The following HUNK variants were observed in gnomAD, a reference collection of about 807,000 sequenced individuals.
HUNK encodes the protein hormonally up-regulated neu tumor-associated kinase.
In HUNK, 21 loss-of-function variants were observed where a neutral mutation model predicts 61.0. The ratio of observed to expected loss-of-function variants is 0.34; its 90% CI spans 0.24 to 0.50. The LOEUF (loss-of-function observed/expected upper bound fraction) is 0.50. Ranked by LOEUF, HUNK falls within the 20% of genes least tolerant of loss-of-function variation. The pLI is 0.98. For missense variants in HUNK, 772 were observed against 945.7 expected (o/e 0.82, Z 2.41); for synonymous variants, 371 against 386.1 (o/e 0.96, Z 0.46).
chr21:31,999,146 G>T lies in HUNK; in HGVS notation c.2107G>T (p.Ala703Ser). The change falls in exon 11 of 11, where the codon GCC (alanine) becomes TCC (serine). Residue 703 changes from alanine to serine, a missense_variant. By Grantham distance (99) the Ala-to-Ser change is moderately conservative (BLOSUM62 1). Around this residue, in one of 2 missense-constraint regions of HUNK, gnomAD observed 413 missense variants for 444.4 expected, o/e 0.93. Coordinates refer to ENST00000270112, the MANE Select transcript of HUNK (RefSeq NM_014586.2). ...PLQPLAPVNLAFDMADGVKTQ... is the reference protein window; with the variant it reads ...PLQPLAPVNLSFDMADGVKTQ... The stretch of plus-strand genomic sequence containing the variant: ...GCAGCCCCTAGCCCCTGTGAACCTT[G>T]CCTTTGACATGGCCGATGGGGTCAA... 1 of 1,613,132 alleles carries T rather than the reference G, an allele frequency of 6.2e-7. No homozygotes were observed. The highest frequency in any genetic ancestry group is 1.1e-5 in the South Asian group (1 of 91,000).
Position 31,873,916 on chromosome 21 carries a change from A to C in HUNK, c.242A>C (p.His81Pro). 1 of 1,563,974 alleles carries C rather than the reference A, an allele frequency of 6.4e-7. No individual in the cohort carries two copies. The highest frequency in any genetic ancestry group is 8.6e-7 in the Non-Finnish European group (1 of 1,158,338). ...GSFAKVREGLHVLTGEKVAIK... is the reference protein window; with the variant it reads ...GSFAKVREGLPVLTGEKVAIK... ...TTTGCCAAGGTGCGCGAGGGGCTGC[A>C]CGTGCTGACCGGGGAGAAGGTGAGT... The change falls in exon 1 of 11, where the codon CAC becomes CCC. Residue 81 changes from histidine (H) to proline (P), a missense_variant. Around this residue, in one of 2 missense-constraint regions of HUNK, gnomAD observed 359 missense variants for 501.3 expected, o/e 0.72. Transcript: ENST00000270112. The surrounding 1 kb of genome is among the most constrained non-coding windows in gnomAD (Gnocchi z 6.1).
intron 10 of HUNK, among the ~76,000 whole-genome samples, chr21:31,998,278 T>C (rs766293804): frequency 2.6e-5 from 4 of 152,110 alleles, no homozygotes; most frequent in Non-Finnish European, 5.9e-5. Flanking sequence ...ATGAGGCAAA[T>C]TGGAATCCAG....
At chr21:31,890,121 T>C (rs1232052545) in intron 1 of HUNK, among the ~76,000 whole-genome samples, 1 of 152,218 alleles carries the variant, frequency 6.6e-6, no homozygotes, top group Admixed American at 6.5e-5. Flanking sequence ...GGGCTCATAT[T>C]TGATAGTTGC....
At chr21:31,946,602 G>T (rs2052804988) in intron 4 of HUNK, among the ~76,000 whole-genome samples, 1 of 151,514 alleles carries the variant, frequency 6.6e-6, no homozygotes, top group African/African-American at 2.4e-5. Flanking sequence ...CCTCCCTTTT[G>T]TCGCTCCCAC....
At chr21:31,923,595 GAGGGA>G (rs549422345) in intron 1 of HUNK, among the ~76,000 whole-genome samples, 1,236 of 119,364 alleles carry the variant, frequency 0.01, 20 homozygotes, top group African/African-American at 0.035. Flanking sequence ...GGGAGGGAGG[GAGGGA>G]AGGGAAGGAA....
intron 7 of HUNK, 119 bp downstream of exon 7, chr21:31,974,836 G>A: frequency 1.0e-6 from 1 of 995,338 alleles, no homozygotes. Flanking sequence ...CTAATGTGAG[G>A]CTGAGTTTTC....
At chr21:31,993,894 G>A (rs1025167869) in intron 9 of HUNK, among the ~76,000 whole-genome samples, 2 of 152,114 alleles carry the variant, frequency 1.3e-5, no homozygotes, top group Non-Finnish European at 2.9e-5. Context: ...GCCTAGGACT[G>A]TGGCATGCTC....
chr21:31,942,373 G>A lies in HUNK; in HGVS notation c.610+2153G>A, dbSNP rs529721725. ...TAAGTGGTAGCCCTAGGTGACCACT[G>A]ACAGAACTATCTTGTGGAATAAGCA... is the stretch of plus-strand genomic sequence containing the variant. On this transcript the variant is annotated intron_variant, in intron 3 of 10. Coordinates refer to ENST00000270112, the MANE Select transcript of HUNK (RefSeq NM_014586.2). Among the ~76,000 whole-genome samples the A allele has an allele frequency of 3.2e-4, 49 of 152,324 alleles. 2 individuals are homozygous for A. Among genetic ancestry groups the A allele is most frequent in the South Asian group, 6.2e-4 (3 of 4,824 alleles).
chr21:31,879,863 C>T (rs1047841523), intron 1 of HUNK, among the ~76,000 whole-genome samples: 2 of 152,184 alleles, frequency 1.3e-5, no homozygotes, highest in African/African-American at 4.8e-5. Context: ...AACGGAGAGA[C>T]CTGCTCTCTT....
In HUNK at chr21:31,941,943, A is replaced by G. The variant is rs139695101; in HGVS notation, c.610+1723A>G. ...ATAAAAGTTAGAATAGGCCAGGTGC[A>G]GTGGCTCACACCTGTAATCCCACTT... On this transcript the variant is annotated intron_variant, in intron 3 of 10. Transcript: ENST00000270112. Among the ~76,000 whole-genome samples the G allele has an allele frequency of 7.9e-4, 120 of 152,326 alleles. 1 individual carries two copies. The East Asian group carries it at 0.016, about 20-fold the overall frequency.
chr21:31,905,046 C>T (rs1337569395), intron 1 of HUNK, among the ~76,000 whole-genome samples: 1 of 149,814 alleles, frequency 6.7e-6, no homozygotes, highest in Non-Finnish European at 1.5e-5. Context: ...CCACTGCACT[C>T]CAGCCTGGGC....
intron 3 of HUNK, among the ~76,000 whole-genome samples, chr21:31,941,978 G>A (rs529709156): frequency 6.6e-5 from 10 of 152,302 alleles, no homozygotes; most frequent in East Asian, 1.9e-4. Context: ...TTGGGAGGCC[G>A]AGGAGGGTGG....
At chr21:31,975,279 C>T (rs1367919622) in intron 7 of HUNK, among the ~76,000 whole-genome samples, 2 of 152,114 alleles carry the variant, frequency 1.3e-5, no homozygotes, top group Admixed American at 6.5e-5. Context: ...GTTTCCACAG[C>T]GTGGGGTGGA....
At chr21:31,954,781 T>A (rs2052876614) in intron 4 of HUNK, among the ~76,000 whole-genome samples, 1 of 149,200 alleles carries the variant, frequency 6.7e-6, no homozygotes, top group South Asian at 2.1e-4. Context: ...TTCTTTCTTT[T>A]TCTTTTCTTT....
chr21:31,992,694 T>C (rs952930819), intron 9 of HUNK, among the ~76,000 whole-genome samples: 1 of 152,376 alleles, frequency 6.6e-6, no homozygotes, highest in South Asian at 2.1e-4. Flanking sequence ...ATAGTCCCTC[T>C]GAAGATCTGT....
At chr21:31,990,532 T>TATTTATTC (rs2053165174) in intron 9 of HUNK, among the ~76,000 whole-genome samples, 2 of 150,720 alleles carry the variant, frequency 1.3e-5, no homozygotes, top group African/African-American at 4.9e-5. Context: ...TTTATTTATT[T>TATTTATTC]ATTTATTTAT....
intron 10 of HUNK, 91 bp downstream of exon 10, chr21:31,996,039 A>T (rs909526019): frequency 2.1e-6 from 2 of 966,710 alleles, no homozygotes; most frequent in African/African-American, 3.3e-5. Context: ...AATGGGCCCT[A>T]GAGCAGAGAT....
intron 7 of HUNK, among the ~76,000 whole-genome samples, chr21:31,981,511 A>C (rs1287315421): frequency 6.6e-6 from 1 of 151,918 alleles, no homozygotes; most frequent in African/African-American, 2.4e-5. Flanking sequence ...CTTTTCATTT[A>C]CTTGTGTCTT....
chr21:31,938,644 A>C (rs922079335), intron 2 of HUNK, among the ~76,000 whole-genome samples: 4 of 152,244 alleles, frequency 2.6e-5, no homozygotes, highest in African/African-American at 7.2e-5. Context: ...GAGGAAAAAG[A>C]AACATTTCTC....
Sources: allele counts gnomAD v4.1 joint callset (sites outside exome capture counted in the v4.1 genomes callset), GRCh38; gene constraint gnomAD v4.1.1; regional missense constraint gnomAD v4.1.1; non-coding constraint Gnocchi (gnomAD v3.1); transcripts MANE v1.5; gene names NCBI Gene and HGNC (gene_info 2026-07-23, HGNC 2026-07-21).